CDK14: variants seen among roughly 807,000 people sequenced by gnomAD.
CDK14 encodes cyclin-dependent kinase 14.
A neutral mutation model predicts 60.7 loss-of-function variants in CDK14; 34 were observed. That is an observed-to-expected ratio of 0.56 (90% CI 0.43 to 0.75). The LOEUF (loss-of-function observed/expected upper bound fraction) is 0.75. Among genes scored for constraint, CDK14 ranks in the 30% least tolerant of loss-of-function variants. The probability of loss-of-function intolerance (pLI) is 0.00; values close to 1 mark genes in which losing one functional copy is unlikely to be tolerated. For missense variants in CDK14, 482 were observed against 564.1 expected, an observed-to-expected ratio of 0.85 and a Z score of 1.47; for synonymous variants, 197 against 203.7, an observed-to-expected ratio of 0.97 and a Z score of 0.28.
chr7:90,791,269 A>G (rs977763284), intron 5 of CDK14, among the ~76,000 whole-genome samples: 1 of 152,148 alleles, frequency 6.6e-6, no homozygotes. Context: ...TGTTACCTGC[A>G]TAGAAAGGCT....
intron 2 of CDK14, chr7:90,709,444 C>A: frequency 6.5e-7 from 1 of 1,527,798 alleles, no homozygotes. Context: ...TCACCATTAG[C>A]TGTTTGGCTC....
intron 6 of CDK14, among the ~76,000 whole-genome samples, chr7:90,886,421 C>A (rs1226739762): frequency 6.6e-6 from 1 of 152,072 alleles, no homozygotes; most frequent in Non-Finnish European, 1.5e-5. Context: ...GTAATTGATT[C>A]AAATTTGAGC....
intron 14 of CDK14, among the ~76,000 whole-genome samples, chr7:91,152,226 G>A (rs1346837339): frequency 6.6e-6 from 1 of 152,150 alleles, no homozygotes; most frequent in Non-Finnish European, 1.5e-5. Flanking sequence ...GAGTGGGGAA[G>A]CATACCAACT....
chr7:91,027,761 T>C (rs116848644), intron 10 of CDK14, among the ~76,000 whole-genome samples: 3,152 of 74,376 alleles, frequency 0.042, 160 homozygotes, highest in Middle Eastern at 0.092. Flanking sequence ...AATCTGGGCC[T>C]CTCCTCTCCC....
At chr7:90,984,376 C>T in intron 10 of CDK14, 135 bp downstream of exon 10, 1 of 636,338 alleles carries the variant, frequency 1.6e-6, no homozygotes, top group Non-Finnish European at 2.8e-6. Flanking sequence ...ATATTTTGGA[C>T]CTTTGAAAAA....
At chr7:90,743,089 A>T (rs1392260711) in intron 3 of CDK14, among the ~76,000 whole-genome samples, 2 of 152,088 alleles carry the variant, frequency 1.3e-5, no homozygotes, top group African/African-American at 4.8e-5. Context: ...GGAATTTTCC[A>T]CTTGTGGCAT....
intron 10 of CDK14, among the ~76,000 whole-genome samples, chr7:91,037,405 A>G (rs1490648440): frequency 6.6e-6 from 1 of 151,854 alleles, no homozygotes; most frequent in African/African-American, 2.4e-5. Context: ...ACACGTATGT[A>G]TGTGCATGTG....
rs1794281682 is a variant in CDK14, at chr7:90,952,139, A to G, written c.827-3558A>G. On this transcript the variant is annotated intron_variant, in intron 8 of 14. Transcript: ENST00000380050. ...AAATAAAGGGAGAAAATGTAGAAGA[A>G]AGGGAGTGGTCAGCAGAGTCTAATG... Among the ~76,000 whole-genome samples the G allele has an allele frequency of 1.3e-5, 2 of 152,110 alleles. 1 individual carries two copies. The highest frequency in any genetic ancestry group is 4.1e-4 in the South Asian group (2 of 4,828).
chr7:90,943,783 A>G (rs1217774089), intron 8 of CDK14, among the ~76,000 whole-genome samples: 5 of 152,220 alleles, frequency 3.3e-5, no homozygotes, highest in Admixed American at 6.5e-5. Context: ...TAGGTTTTCT[A>G]TTGAAGTCTC....
intron 6 of CDK14, among the ~76,000 whole-genome samples, chr7:90,896,095 T>A (rs1467258511): frequency 2.0e-5 from 3 of 152,094 alleles, no homozygotes; most frequent in Admixed American, 6.6e-5. Context: ...TCTTTTGTTT[T>A]CTCTAGCTTT....
chr7:91,135,534 G>C (rs892026246), intron 14 of CDK14, among the ~76,000 whole-genome samples: 2 of 152,166 alleles, frequency 1.3e-5, no homozygotes, highest in Non-Finnish European at 2.9e-5. Context: ...AGGGAGCCAT[G>C]TATAGCATTT....
chr7:91,151,673 C>T (rs1023171958), intron 14 of CDK14, among the ~76,000 whole-genome samples: 8 of 152,142 alleles, frequency 5.3e-5, no homozygotes, highest in Non-Finnish European at 1.2e-4. Context: ...TCTAAAAGGT[C>T]ACTTGTGTTC....
chr7:91,179,952 A>G (rs574230803), intron 14 of CDK14, among the ~76,000 whole-genome samples: 1 of 152,244 alleles, frequency 6.6e-6, no homozygotes, highest in African/African-American at 2.4e-5. Flanking sequence ...AGGAATTTTT[A>G]AAAAATTAGA....
At chr7:90,830,904 G>C (rs1007563213) in intron 5 of CDK14, among the ~76,000 whole-genome samples, 3 of 152,172 alleles carry the variant, frequency 2.0e-5, no homozygotes, top group African/African-American at 4.8e-5. Flanking sequence ...CTTTACTCCA[G>C]TTCCCAATAA....
At chr7:90,830,522 C>T (rs1789880638) in intron 5 of CDK14, among the ~76,000 whole-genome samples, 1 of 152,198 alleles carries the variant, frequency 6.6e-6, no homozygotes, top group African/African-American at 2.4e-5. Flanking sequence ...CTCTGAAATG[C>T]CCTGGATACG....
chr7:90,724,676 TATTA>T (rs1297924206), intron 2 of CDK14, among the ~76,000 whole-genome samples: 1 of 152,070 alleles, frequency 6.6e-6, no homozygotes, highest in African/African-American at 2.4e-5. Flanking sequence ...TGCCTTTCTC[TATTA>T]ATTTAGTCAT....
chr7:90,782,458 A>G (rs938177688), intron 4 of CDK14, among the ~76,000 whole-genome samples: 2 of 152,116 alleles, frequency 1.3e-5, no homozygotes, highest in Non-Finnish European at 2.9e-5. Flanking sequence ...ATTTAAACAT[A>G]CTTTATATCT....
At chr7:90,717,162 TGAA>T (rs924418831) in intron 2 of CDK14, among the ~76,000 whole-genome samples, 8 of 151,942 alleles carry the variant, frequency 5.3e-5, no homozygotes, top group African/African-American at 1.9e-4. Flanking sequence ...TTGGACAAAA[TGAA>T]GAAGTATAGG....
chr7:90,640,059 C>T (rs1800282676), intron 2 of CDK14, among the ~76,000 whole-genome samples: 1 of 152,146 alleles, frequency 6.6e-6, no homozygotes, highest in African/African-American at 2.4e-5. Context: ...ACTCCCTGAC[C>T]CCTTGTGCTT....
Sources: allele counts gnomAD v4.1 joint callset (sites outside exome capture counted in the v4.1 genomes callset), GRCh38; gene constraint gnomAD v4.1.1; transcripts MANE v1.5; gene names NCBI Gene and HGNC (gene_info 2026-07-23, HGNC 2026-07-21).